The following DOCK4 variants were observed in gnomAD, a reference collection of about 807,000 sequenced individuals.
The protein encoded by DOCK4 is dedicator of cytokinesis protein 4.
A neutral mutation model predicts 268.1 loss-of-function variants in DOCK4; 97 were observed. The ratio of observed to expected loss-of-function variants is 0.36; its 90% confidence interval spans 0.31 to 0.43. DOCK4 has a LOEUF of 0.43. Among genes scored for constraint, DOCK4 ranks in the 20% least tolerant of loss-of-function variants. DOCK4 has a pLI of 1.00. For missense variants in DOCK4, 2,145 were observed against 2,455.7 expected (o/e 0.87, Z 2.67); for synonymous variants, 954 against 887.2 (o/e 1.08, Z -1.34).
intron 1 of DOCK4, among the ~76,000 whole-genome samples, chr7:112,068,945 G>C (rs1007974899): frequency 6.6e-5 from 10 of 152,054 alleles, no homozygotes; most frequent in Admixed American, 2.0e-4. Context: ...CAACAAAAAA[G>C]AGAAATATTA....
At chr7:112,041,358 C>T (rs1042763011) in intron 1 of DOCK4, among the ~76,000 whole-genome samples, 2 of 152,094 alleles carry the variant, frequency 1.3e-5, no homozygotes, top group African/African-American at 2.4e-5. Context: ...TATTAGCCAA[C>T]GTTTTAATCA....
rs201395231 is a variant in DOCK4 at position 111,957,931 on chromosome 7, C to CT, written c.702-12134dup. Among the ~76,000 whole-genome samples, 219 of 152,182 alleles carry CT rather than the reference C, an allele frequency of 1.4e-3. 3 individuals carry two copies. In the East Asian group the frequency reaches 0.028, roughly 20 times the overall value. On this transcript the variant is annotated intron_variant, in intron 8 of 52. Transcript: ENST00000428084. ...ACATTTATCTGACAATTTTTATGTA[C>CT]TTTTTTTAGCATGACAGTGTTTGCA...
In DOCK4 at chr7:111,728,684, A is replaced by G. The variant is rs1794842741; in HGVS notation, c.5518T>C (p.Tyr1840His). 1 of 1,613,580 alleles carries G rather than the reference A, an allele frequency of 6.2e-7. No homozygotes were observed. Among genetic ancestry groups the G allele is most frequent in the Non-Finnish European group, 8.5e-7 (1 of 1,179,744 alleles). Residue 1840 changes from tyrosine to histidine, a missense_variant, in exon 53 of 53, where the codon TAC (tyrosine) becomes CAC (histidine). Tyr to His is a moderately conservative substitution (Grantham distance 83). This residue lies in a region of DOCK4 where 547 missense variants were observed against 469.0 expected (regional missense o/e 1.17). Coordinates refer to ENST00000428084, the MANE Select transcript of DOCK4 (RefSeq NM_001363540.2). ...TTGGAGATGAGTCCTGGCGAGTGGTACTCCACTGGAGAGGGGGTGAAAGAC... is the reference window on the plus strand; with the variant it reads ...TTGGAGATGAGTCCTGGCGAGTGGTGCTCCACTGGAGAGGGGGTGAAAGAC... ...VQSFTPSPVE[Y>H]HSPGLISNSP...
At chr7:111,778,255 T>G (rs1056480714) in intron 36 of DOCK4, 21 bp downstream of exon 36, 1 of 1,570,362 alleles carries the variant, frequency 6.4e-7, no homozygotes, top group Non-Finnish European at 8.8e-7. Flanking sequence ...CTTCCCAATC[T>G]GAGCCAAAAG....
intron 12 of DOCK4, among the ~76,000 whole-genome samples, chr7:111,929,533 A>G (rs1422898320): frequency 6.6e-6 from 1 of 152,240 alleles, no homozygotes; most frequent in Non-Finnish European, 1.5e-5. Context: ...TTCAAAAATC[A>G]GGTGCACTGA....
At chr7:111,843,076 A>G (rs1803822290) in intron 25 of DOCK4, among the ~76,000 whole-genome samples, 1 of 152,256 alleles carries the variant, frequency 6.6e-6, no homozygotes, top group South Asian at 2.1e-4. Flanking sequence ...ATAGATGTCC[A>G]CACTGCAACG....
intron 16 of DOCK4, among the ~76,000 whole-genome samples, chr7:111,885,991 A>G (rs1164965049): frequency 6.6e-6 from 1 of 152,190 alleles, no homozygotes; most frequent in Admixed American, 6.6e-5. Context: ...CTTTTTGACT[A>G]CTGTCTTAGA....
intron 17 of DOCK4, among the ~76,000 whole-genome samples, chr7:111,874,951 T>A (rs900583075): frequency 6.6e-6 from 1 of 152,210 alleles, no homozygotes; most frequent in Non-Finnish European, 1.5e-5. Context: ...AGAAATAAGA[T>A]TTGTATATTT....
intron 51 of DOCK4, among the ~76,000 whole-genome samples, chr7:111,734,160 C>T (rs908380359): frequency 6.6e-6 from 1 of 151,788 alleles, no homozygotes; most frequent in South Asian, 2.1e-4. Context: ...AGGCTTCTCT[C>T]AAAACTCCTG....
At chr7:111,760,519 G>A (rs1797320744) in intron 39 of DOCK4, among the ~76,000 whole-genome samples, 197 bp from the exon 40 acceptor site, 1 of 152,094 alleles carries the variant, frequency 6.6e-6, no homozygotes. Context: ...ACTCTCTACT[G>A]CATTTAATAA....
chr7:111,943,918 C>A (rs1056168175), intron 10 of DOCK4, among the ~76,000 whole-genome samples: 2 of 152,194 alleles, frequency 1.3e-5, no homozygotes, highest in Non-Finnish European at 2.9e-5. Context: ...AATCACCTTG[C>A]AGGACTACAT....
intron 36 of DOCK4, among the ~76,000 whole-genome samples, chr7:111,771,649 T>G (rs898144048): frequency 1.3e-5 from 2 of 152,224 alleles, no homozygotes; most frequent in Non-Finnish European, 2.9e-5. Flanking sequence ...ATCCCTGAGA[T>G]GATTTCCTGA....
chr7:112,075,149 A>G (rs919163199), intron 1 of DOCK4, among the ~76,000 whole-genome samples: 7 of 152,230 alleles, frequency 4.6e-5, no homozygotes, highest in Non-Finnish European at 1.0e-4. Context: ...GTGGAAAAAT[A>G]TAACAGTGGG....
At chr7:111,763,076 C>T (rs192469890) in intron 39 of DOCK4, among the ~76,000 whole-genome samples, 137 of 151,808 alleles carry the variant, frequency 9.0e-4, no homozygotes, top group Admixed American at 2.1e-3. Flanking sequence ...CTAAATAACC[C>T]GTTTTTCATG....
intron 21 of DOCK4, 84 bp downstream of exon 21, chr7:111,869,490 G>A: frequency 8.5e-7 from 1 of 1,182,070 alleles, no homozygotes; most frequent in Non-Finnish European, 1.3e-6. Flanking sequence ...ACCCATTACT[G>A]TCTGTGTAGA....
chr7:112,170,584 C>A (rs936262770), intron 1 of DOCK4, among the ~76,000 whole-genome samples: 12 of 152,070 alleles, frequency 7.9e-5, no homozygotes, highest in Non-Finnish European at 1.5e-4. Context: ...ATAATGATGA[C>A]CTTCATTAGT....
At chr7:112,030,480 TGAACAC>T (rs1415673334) in intron 1 of DOCK4, among the ~76,000 whole-genome samples, 1 of 152,196 alleles carries the variant, frequency 6.6e-6, no homozygotes, top group East Asian at 1.9e-4. Context: ...GTGGCTGTAG[TGAACAC>T]ACATTGTTGG....
At chr7:111,732,799 G>C (rs1194776639) in intron 51 of DOCK4, among the ~76,000 whole-genome samples, 2 of 152,184 alleles carry the variant, frequency 1.3e-5, no homozygotes, top group African/African-American at 4.8e-5. Context: ...AAAACCCTTG[G>C]CCATGGCCAT....
In DOCK4 at chr7:112,206,393, C is replaced by T; in HGVS notation, c.-255G>A. The T allele has an allele frequency of 3.4e-6, 2 of 586,624 alleles. No individual in the cohort carries two copies. The highest frequency in any genetic ancestry group is 2.0e-5 in the South Asian group (1 of 48,802). 36.3% of individuals were successfully genotyped at this position (586,624 alleles called of 1,614,324 possible). A position where few individuals can be genotyped will look rare whatever the true frequency, so the allele number is the denominator to read the frequency against. On this transcript the variant is annotated 5_prime_UTR_variant, in exon 1 of 53. Coordinates refer to ENST00000428084, the MANE Select transcript of DOCK4 (RefSeq NM_001363540.2). The stretch of plus-strand genomic sequence containing the variant: ...GGTACCCGGCGGCGCAGTCATTGTT[C>T]TGATTCACTGAACTAAGCGAACACG...
Sources: gnomAD v4.1 joint callset for allele counts (sites outside exome capture counted in the v4.1 genomes callset) on GRCh38, gnomAD v4.1.1 for gene constraint, gnomAD v4.1.1 regional missense constraint, MANE v1.5 for transcripts, NCBI Gene and HGNC (gene_info 2026-07-23, HGNC 2026-07-21) for gene names.